PAK4: variants seen among roughly 807,000 people sequenced by gnomAD.
The protein encoded by PAK4 is serine/threonine-protein kinase PAK 4.
PAK4 carries 49 observed loss-of-function variants against 53.5 expected under a neutral mutation model. The observed-to-expected ratio is 0.92, with a 90% CI of 0.73 to 1.16. The LOEUF is 1.16. PAK4 is among the 50% of genes most tolerant of loss of function. The pLI, the probability that PAK4 is intolerant of heterozygous loss-of-function variation, is 0.00. For synonymous variants in PAK4, 376 were observed against 375.6 expected (o/e 1.00, Z -0.01); for missense variants, 824 against 850.7 (o/e 0.97, Z 0.39).
chr19:39,153,036 A>C (rs1336796668), intron 1 of PAK4, among the ~76,000 whole-genome samples: 1 of 152,158 alleles, frequency 6.6e-6, no homozygotes. Context: ...CTACCGAGGG[A>C]GAATTGTATA....
intron 1 of PAK4, among the ~76,000 whole-genome samples, chr19:39,127,306 C>T (rs1029443171): frequency 6.6e-6 from 1 of 152,048 alleles, no homozygotes; most frequent in African/African-American, 2.4e-5. Flanking sequence ...TCTCCAACTC[C>T]AGGCCCATGC....
intron 1 of PAK4, among the ~76,000 whole-genome samples, chr19:39,153,834 C>T (rs991569178): frequency 4.6e-5 from 7 of 152,112 alleles, no homozygotes; most frequent in Admixed American, 6.5e-5. Flanking sequence ...CCTCCCGCCT[C>T]GGCATCCCAA....
At chr19:39,153,148 A>T (rs1316837807) in intron 1 of PAK4, among the ~76,000 whole-genome samples, 1 of 152,236 alleles carries the variant, frequency 6.6e-6, no homozygotes, top group Non-Finnish European at 1.5e-5. Flanking sequence ...ATTACTATAA[A>T]GGGAAAAATC....
chr19:39,138,476 G>A (rs887303852), intron 1 of PAK4, among the ~76,000 whole-genome samples: 4 of 152,252 alleles, frequency 2.6e-5, no homozygotes, highest in Non-Finnish European at 4.4e-5. Context: ...AACGTGGTAT[G>A]TCTCTCCATT....
chr19:39,143,147 T>C (rs965704681), intron 1 of PAK4, among the ~76,000 whole-genome samples: 10 of 152,054 alleles, frequency 6.6e-5, no homozygotes, highest in African/African-American at 2.4e-4. Context: ...TGTTTACTTG[T>C]ATATTGTGTT....
intron 2 of PAK4, 75 bp downstream of exon 3, chr19:39,169,832 G>A (rs1473232071): frequency 1.1e-5 from 10 of 938,456 alleles, no homozygotes; most frequent in African/African-American, 2.5e-5. Context: ...CCCCACACTC[G>A]ACCCTGTGAC....
intron 1 of PAK4, among the ~76,000 whole-genome samples, chr19:39,153,094 T>TA (rs1568509712): frequency 6.6e-6 from 1 of 152,098 alleles, no homozygotes; most frequent in African/African-American, 2.4e-5. Flanking sequence ...ATTGTTAGGA[T>TA]ACACAGTGAA....
chr19:39,178,289 C>T lies in PAK4; in HGVS notation c.1621-135C>T, dbSNP rs2074649803. On this transcript the variant is annotated intron_variant, in intron 8 of 8. Transcript: ENST00000358301. The surrounding 1 kb of genome is among the most constrained non-coding windows in gnomAD (Gnocchi z 4.4). ...TCCCGTCTACACCCCAAGATCTAGA[C>T]ACCCATGACCTCCGCCCCCTGCCCT... is the stretch of plus-strand genomic sequence containing the variant. The T allele has an allele frequency of 4.9e-6, 4 of 823,126 alleles. No homozygotes were observed. The highest frequency in any genetic ancestry group is 7.4e-6 in the Non-Finnish European group (4 of 537,376). 51.0% of individuals were successfully genotyped at this position (823,126 alleles called of 1,614,324 possible). A position where few individuals can be genotyped will look rare whatever the true frequency, so the allele number is the denominator to read the frequency against.
At chr19:39,130,380 G>A (rs998361877) in intron 1 of PAK4, among the ~76,000 whole-genome samples, 3 of 151,888 alleles carry the variant, frequency 2.0e-5, no homozygotes, top group African/African-American at 7.3e-5. Context: ...GGAGGCGCAG[G>A]GACCGTAGGA....
At chr19:39,177,862 T>C (rs1266321382) in intron 8 of PAK4, 53 bp downstream of exon 9, 28 of 1,570,800 alleles carry the variant, frequency 1.8e-5, no homozygotes, top group Non-Finnish European at 2.0e-5. Flanking sequence ...GTGGCAGGGC[T>C]CCAGGTGGAG....
In PAK4 at chr19:39,173,010, C is replaced by A; in HGVS notation, c.297C>A (p.Ser99=). The A allele has an allele frequency of 6.5e-7, 1 of 1,549,804 alleles. No individual in the cohort carries two copies. Among genetic ancestry groups the A allele is most frequent in the South Asian group, 1.2e-5 (1 of 84,016 alleles). ...ACATGTCGGTGACACGCTCCAACTC[C>A]CTGCGGAGAGACAGCCCGCCGCCGC... Residue 99 remains serine, a synonymous_variant, in exon 3 of 9, where the codon TCC becomes TCA. Coordinates refer to ENST00000358301, the Ensembl canonical transcript of PAK4. This position sits in a 1 kb window ranked among gnomAD's most constrained non-coding sequence, Gnocchi z 6.9.
Position 39,173,215 on chromosome 19 carries a change from G to C in PAK4, c.502G>C (p.Gly168Arg), listed in dbSNP as rs1311281891. 6.4e-7 allele frequency: 1 copy of C among 1,558,492 alleles called. No homozygotes were observed. Among genetic ancestry groups the C allele is most frequent in the East Asian group, 2.4e-5 (1 of 41,876 alleles). ...GCCCAAGTCTTCCAGGGAGGGCTCA[G>C]GGGGTCCCCAGGAGTCCTCCCGGGA... Residue 168 changes from glycine to arginine, a missense_variant, in exon 3 of 9, where the codon GGG (glycine) becomes CGG (arginine). This residue lies in a region of PAK4 where 478 missense variants were observed against 435.8 expected (regional missense o/e 1.10). Transcript: ENST00000358301. The surrounding 1 kb of genome is among the most constrained non-coding windows in gnomAD (Gnocchi z 6.9).
chr19:39,175,277 C>G lies in PAK4; in HGVS notation c.1233-35C>G. ...CCCCCTCGGCACCCCGGGGTGCTGT[C>G]CAGCTGGCTGCTCACCCCCCACCCC... is the stretch of plus-strand genomic sequence containing the variant. On this transcript the variant is annotated intron_variant, in intron 5 of 8. Coordinates refer to ENST00000358301, the Ensembl canonical transcript of PAK4. This position sits in a 1 kb window ranked among gnomAD's most constrained non-coding sequence, Gnocchi z 4.7. The G allele has an allele frequency of 6.4e-7, 1 of 1,553,526 alleles. No homozygotes were observed. Among genetic ancestry groups the G allele is most frequent in the Non-Finnish European group, 8.7e-7 (1 of 1,146,034 alleles).
chr19:39,157,219 C>CG (rs149117755), intron 1 of PAK4, among the ~76,000 whole-genome samples: 2,807 of 150,834 alleles, frequency 0.019, 88 homozygotes, highest in African/African-American at 0.065. Context: ...GTTTTGGGGT[C>CG]GGGGGGGTGC....
intron 1 of PAK4, among the ~76,000 whole-genome samples, chr19:39,135,368 C>G: frequency 8.3e-6 from 1 of 120,888 alleles, no homozygotes. Context: ...TGGAGCCTTG[C>G]TCTGTCACCA....
intron 1 of PAK4, among the ~76,000 whole-genome samples, chr19:39,134,343 A>G (rs369884723): frequency 6.5e-4 from 99 of 152,368 alleles, no homozygotes; most frequent in African/African-American, 2.1e-3. Context: ...CCGCCTGCCC[A>G]TAACCCCTGT....
chr19:39,177,944 C>T (rs2074642222), intron 8 of PAK4, 135 bp downstream of exon 9: 2 of 1,012,238 alleles, frequency 2.0e-6, no homozygotes, highest in Non-Finnish European at 2.8e-6. Flanking sequence ...GGCCCCCCAC[C>T]CCCGGGCCTC....
chr19:39,131,723 C>T (rs1032801600), intron 1 of PAK4, among the ~76,000 whole-genome samples: 1 of 152,238 alleles, frequency 6.6e-6, no homozygotes, highest in African/African-American at 2.4e-5. Context: ...CCCGACCCTT[C>T]CCAGGCTGGG....
rs1470848840 is a variant in PAK4 at position 39,161,859 on chromosome 19, C to A, written c.-22-7673C>A. Among the ~76,000 whole-genome samples the A allele has an allele frequency of 6.6e-6, 1 of 152,114 alleles. No homozygotes were observed. The highest frequency in any genetic ancestry group is 1.5e-5 in the Non-Finnish European group (1 of 68,028). On this transcript the variant is annotated intron_variant, in intron 1 of 8. Transcript: ENST00000358301. This position sits in a 1 kb window ranked among gnomAD's most constrained non-coding sequence, Gnocchi z 4.5. ...CCTTCCTCCTGGGCTGCCCTTCCTC[C>A]AGAGCCCTACATGGCTCCCTCTCCC... is the stretch of plus-strand genomic sequence containing the variant.
Sources: gnomAD v4.1 joint callset for allele counts (sites outside exome capture counted in the v4.1 genomes callset) on GRCh38, gnomAD v4.1.1 for gene constraint, gnomAD v4.1.1 regional missense constraint, Gnocchi (gnomAD v3.1) non-coding constraint, MANE v1.5 for transcripts, NCBI Gene and HGNC (gene_info 2026-07-23, HGNC 2026-07-21) for gene names.